C1D: variants seen among roughly 807,000 people sequenced by gnomAD.
C1D encodes the protein C1D nuclear receptor corepressor, also known as nuclear nucleic acid-binding protein C1D.
C1D carries 10 observed loss-of-function variants against 17.5 expected under a neutral mutation model. The ratio of observed to expected loss-of-function variants is 0.57; its 90% CI spans 0.35 to 0.97. The LOEUF (loss-of-function observed/expected upper bound fraction) is 0.97, where lower values mean the gene tolerates loss of function less well. Ranked by LOEUF, C1D falls within the 50% of genes least tolerant of loss-of-function variation. C1D has a pLI of 0.01. For synonymous variants in C1D, 49 were observed against 54.0 expected, an observed-to-expected ratio of 0.91 and a Z score of 0.40; for missense variants, 136 against 160.1, an observed-to-expected ratio of 0.85 and a Z score of 0.81.
chr2:68,060,512 G>C (rs1235661192), intron 1 of C1D, among the ~76,000 whole-genome samples: 1 of 152,052 alleles, frequency 6.6e-6, no homozygotes, highest in Non-Finnish European at 1.5e-5. Flanking sequence ...GCATGGCGAC[G>C]GGTGCCTGTA....
chr2:68,045,837 A>AG (rs1403095828), intron 4 of C1D, 151 bp downstream of exon 4: 1 of 544,826 alleles, frequency 1.8e-6, no homozygotes, highest in African/African-American at 2.0e-5. Flanking sequence ...AAAAGGTAAG[A>AG]GAAAAAAAAA....
Position 68,042,081 on chromosome 2 carries a change from A to G in C1D, c.*808T>C, listed in dbSNP as rs1047430191. ...ATCTGAAAAAAAATGAGATGAAAAG[A>G]ACTGTGGACACCATGCATCAGGAAC... On this transcript the variant is annotated 3_prime_UTR_variant, in exon 5 of 5. Coordinates refer to ENST00000410067, the MANE Select transcript of C1D (RefSeq NM_173177.3). 1 of 152,034 alleles carries G rather than the reference A, an allele frequency of 6.6e-6. No homozygotes were observed. The highest frequency in any genetic ancestry group is 6.6e-5 in the Admixed American group (1 of 15,260). 9.4% of individuals were successfully genotyped at this position (152,034 alleles called of 1,614,324 possible). A position where few individuals can be genotyped will look rare whatever the true frequency, so the allele number is the denominator to read the frequency against.
At chr2:68,047,392 A>T (rs1306464291) in intron 1 of C1D, 73 bp from the exon 2 acceptor site, 40 of 1,142,114 alleles carry the variant, frequency 3.5e-5, no homozygotes, top group Non-Finnish European at 4.9e-5. Flanking sequence ...AAAAAAAATC[A>T]ATAGGTCATA....
intron 3 of C1D, 65 bp from the exon 4 acceptor site, chr2:68,046,108 GAAAC>G: frequency 8.7e-7 from 1 of 1,144,862 alleles, no homozygotes; most frequent in Non-Finnish European, 1.2e-6. Flanking sequence ...TCCAATTAAA[GAAAC>G]TAGTTATTCA....
chr2:68,054,924 C>T (rs1351534160), intron 1 of C1D, among the ~76,000 whole-genome samples: 2 of 151,286 alleles, frequency 1.3e-5, no homozygotes, highest in Non-Finnish European at 2.9e-5. Flanking sequence ...TATGATTACA[C>T]TACTGCACTC....
chr2:68,046,097 T>C (rs1403169412), intron 3 of C1D, 54 bp from the exon 4 acceptor site: 2 of 1,256,210 alleles, frequency 1.6e-6, no homozygotes, highest in Non-Finnish European at 2.2e-6. Context: ...ATTTAAAACA[T>C]TCCAATTAAA....
chr2:68,053,102 T>C (rs1364795250), intron 1 of C1D: 1 of 1,550,760 alleles, frequency 6.4e-7, no homozygotes, highest in Non-Finnish European at 8.7e-7. Flanking sequence ...CTATAGGTAC[T>C]CCTTGCCCTT....
At chr2:68,047,729 TAA>T (rs1671172327) in intron 1 of C1D, among the ~76,000 whole-genome samples, 1 of 152,114 alleles carries the variant, frequency 6.6e-6, no homozygotes, top group African/African-American at 2.4e-5. Context: ...CATGCCCAGG[TAA>T]TTTTTTTGTA....
chr2:68,047,617 G>C (rs182736440), intron 1 of C1D, among the ~76,000 whole-genome samples: 8 of 152,180 alleles, frequency 5.3e-5, no homozygotes, highest in Admixed American at 3.9e-4. Flanking sequence ...TGTCGCCCAG[G>C]ATAGTGCAAT....
chr2:68,047,570 T>TTTTTG (rs1351848716), intron 1 of C1D, among the ~76,000 whole-genome samples: 1 of 152,094 alleles, frequency 6.6e-6, no homozygotes, highest in Non-Finnish European at 1.5e-5. Flanking sequence ...ACCCTCAACA[T>TTTTTG]TTTTGTTTTG....
chr2:68,057,396 A>G (rs1446710110), intron 1 of C1D, among the ~76,000 whole-genome samples: 1 of 151,918 alleles, frequency 6.6e-6, no homozygotes, highest in Non-Finnish European at 1.5e-5. Flanking sequence ...ATCTCAGGTG[A>G]TCTGCCTGCC....
intron 2 of C1D, chr2:68,046,653 A>G (rs749001290): frequency 9.2e-6 from 4 of 436,342 alleles, no homozygotes; most frequent in African/African-American, 8.1e-5. Flanking sequence ...TTAGACAAGG[A>G]AAGTGCATAA....
At chr2:68,053,091 T>C in intron 1 of C1D, 1 of 1,550,826 alleles carries the variant, frequency 6.4e-7, no homozygotes. Context: ...CCTCCGGGGT[T>C]CTATAGGTAC....
chr2:68,047,192 C>A lies in C1D; in HGVS notation c.119G>T (p.Arg40Ile), dbSNP rs1671150948. 2 of 1,605,418 alleles carry A rather than the reference C, an allele frequency of 1.2e-6. No homozygotes were observed. The highest frequency in any genetic ancestry group is 1.7e-5 in the Admixed American group (1 of 58,228). ...EMLKTMMSVS[R>I]NELLQKLDPL... Reference sequence around the variant, plus strand: ...AAATACCTTCTGCAACAACTCATTTCTAGAAACAGACATCATGGTCTTCAG... The same window carrying A: ...AAATACCTTCTGCAACAACTCATTTATAGAAACAGACATCATGGTCTTCAG... The change falls in exon 2 of 5, where the codon AGA becomes ATA. Residue 40 changes from arginine to isoleucine, a missense_variant. Physicochemically the swap from Arg to Ile is moderately conservative, Grantham distance 97. Transcript: ENST00000410067.
At chr2:68,046,271 C>T in intron 3 of C1D, 73 bp downstream of exon 3, 2 of 1,167,398 alleles carry the variant, frequency 1.7e-6, no homozygotes, top group Non-Finnish European at 1.3e-6. Flanking sequence ...AAATTGTTAG[C>T]ATTTTAAAAA....
chr2:68,060,696 GAAAGGAAACA>G (rs1193054126), intron 1 of C1D, among the ~76,000 whole-genome samples: 4 of 151,918 alleles, frequency 2.6e-5, no homozygotes, highest in Non-Finnish European at 5.9e-5. Flanking sequence ...AGCAGGGCAG[GAAAGGAAACA>G]AAAGAAAACA....
intron 1 of C1D, among the ~76,000 whole-genome samples, chr2:68,058,012 A>G (rs776077795): frequency 1.3e-5 from 2 of 152,228 alleles, no homozygotes; most frequent in Non-Finnish European, 2.9e-5. Context: ...CCTACTGAAC[A>G]TTCATTCCTA....
At chr2:68,043,587 G>T (rs1312523481) in intron 4 of C1D, among the ~76,000 whole-genome samples, 1 of 152,118 alleles carries the variant, frequency 6.6e-6, no homozygotes, top group Non-Finnish European at 1.5e-5. Context: ...ATTTTGGTAA[G>T]TACATGAAAT....
chr2:68,047,353 G>C, intron 1 of C1D, 34 bp from the exon 2 acceptor site: 10 of 1,551,732 alleles, frequency 6.4e-6, no homozygotes, highest in Non-Finnish European at 8.7e-6. Context: ...ATTCATATTA[G>C]AGACAGAGCT....
Sources: gnomAD v4.1 joint callset for allele counts (sites outside exome capture counted in the v4.1 genomes callset) on GRCh38, gnomAD v4.1.1 for gene constraint, MANE v1.5 for transcripts, NCBI Gene and HGNC (gene_info 2026-07-23, HGNC 2026-07-21) for gene names.